The following SCD5 variants were observed in gnomAD, a reference collection of about 807,000 sequenced individuals.
SCD5 encodes acyl-CoA-desaturase 4.
SCD5 carries 20 observed loss-of-function variants against 30.4 expected under a neutral mutation model. The observed-to-expected ratio is 0.66, with a 90% CI of 0.46 to 0.96. The LOEUF (loss-of-function observed/expected upper bound fraction) is 0.96. SCD5 is among the 40% of genes least tolerant of loss of function. The pLI is 0.00. For synonymous variants in SCD5, 173 were observed against 176.4 expected (o/e 0.98, Z 0.16); for missense variants, 381 against 443.3 (o/e 0.86, Z 1.26).
chr4:82,762,551 C>A (rs1721399658), intron 1 of SCD5, among the ~76,000 whole-genome samples: 1 of 152,126 alleles, frequency 6.6e-6, no homozygotes, highest in African/African-American at 2.4e-5. Context: ...CCTCTAGGGG[C>A]TAAATTGATG....
At chr4:82,756,038 C>T (rs1176726497) in intron 1 of SCD5, among the ~76,000 whole-genome samples, 1 of 152,100 alleles carries the variant, frequency 6.6e-6, no homozygotes, top group Non-Finnish European at 1.5e-5. Context: ...GGTGTAGAGG[C>T]CCTGTGGCTC....
At chr4:82,641,397 T>G (rs978275423) in intron 3 of SCD5, among the ~76,000 whole-genome samples, 1 of 151,726 alleles carries the variant, frequency 6.6e-6, no homozygotes, top group African/African-American at 2.4e-5. Flanking sequence ...ATAAGCAAAT[T>G]GTAGAGCACA....
chr4:82,754,045 G>C (rs998110565), intron 1 of SCD5, among the ~76,000 whole-genome samples: 2 of 152,150 alleles, frequency 1.3e-5, no homozygotes, highest in African/African-American at 4.8e-5. Flanking sequence ...GTCAAGCACA[G>C]ACTCGCCCGA....
At chr4:82,754,040 G>C (rs1233151316) in intron 1 of SCD5, among the ~76,000 whole-genome samples, 1 of 152,136 alleles carries the variant, frequency 6.6e-6, no homozygotes, top group African/African-American at 2.4e-5. Flanking sequence ...CTCTTGTCAA[G>C]CACAGACTCG....
chr4:82,635,471 A>T (rs1400819910), intron 4 of SCD5, among the ~76,000 whole-genome samples: 1 of 151,926 alleles, frequency 6.6e-6, no homozygotes, highest in Non-Finnish European at 1.5e-5. Context: ...ATACAAAAAA[A>T]TTAGCCAGGC....
chr4:82,755,186 T>A (rs1047697232), intron 1 of SCD5, among the ~76,000 whole-genome samples: 1 of 151,610 alleles, frequency 6.6e-6, no homozygotes, highest in East Asian at 1.9e-4. Context: ...GGTAGGAGAA[T>A]GTCGAAAAAA....
At chr4:82,689,370 TAAAAA>T (rs1728781209) in intron 2 of SCD5, among the ~76,000 whole-genome samples, 2 of 151,944 alleles carry the variant, frequency 1.3e-5, no homozygotes, top group African/African-American at 4.8e-5. Context: ...GACACCACAC[TAAAAA>T]GAAAGAGTTT....
At chr4:82,714,741 G>C (rs979154165) in intron 1 of SCD5, among the ~76,000 whole-genome samples, 7 of 152,180 alleles carry the variant, frequency 4.6e-5, no homozygotes, top group Non-Finnish European at 7.3e-5. Context: ...ATGCTCAAAG[G>C]AAATGCTCAT....
At chr4:82,664,445 G>T (rs1010823569) in intron 3 of SCD5, among the ~76,000 whole-genome samples, 1 of 152,096 alleles carries the variant, frequency 6.6e-6, no homozygotes. Context: ...AAGTGCAAGG[G>T]GGGGGGAACA....
At chr4:82,766,079 T>G (rs1261805613) in intron 1 of SCD5, among the ~76,000 whole-genome samples, 1 of 152,242 alleles carries the variant, frequency 6.6e-6, no homozygotes, top group East Asian at 1.9e-4. Flanking sequence ...TTGGTGTGGT[T>G]TTCTTCATAT....
chr4:82,698,428 G>T (rs1217349329), intron 2 of SCD5, among the ~76,000 whole-genome samples: 1 of 152,172 alleles, frequency 6.6e-6, no homozygotes, highest in African/African-American at 2.4e-5. Flanking sequence ...AGCCTTGGGG[G>T]ATGGTCTATT....
intron 2 of SCD5, among the ~76,000 whole-genome samples, chr4:82,684,376 T>C (rs1480266198): frequency 6.6e-6 from 1 of 152,212 alleles, no homozygotes; most frequent in African/African-American, 2.4e-5. Context: ...GGGAACTTGG[T>C]AATAAATAAA....
intron 1 of SCD5, among the ~76,000 whole-genome samples, chr4:82,720,756 C>G (rs536420515): frequency 1.3e-5 from 2 of 152,150 alleles, no homozygotes; most frequent in African/African-American, 4.8e-5. Flanking sequence ...GGAAGCTGCA[C>G]AGCCCAAGGC....
chr4:82,746,007 A>G (rs983091055), intron 1 of SCD5, among the ~76,000 whole-genome samples: 2 of 152,256 alleles, frequency 1.3e-5, no homozygotes, highest in African/African-American at 2.4e-5. Flanking sequence ...TGTTCTAAAA[A>G]TTAAATGACT....
intron 1 of SCD5, among the ~76,000 whole-genome samples, chr4:82,714,186 C>T (rs776837121): frequency 6.6e-6 from 1 of 152,202 alleles, no homozygotes; most frequent in Non-Finnish European, 1.5e-5. Flanking sequence ...ATTTAAAAAC[C>T]TCTCTTGACC....
intron 1 of SCD5, among the ~76,000 whole-genome samples, chr4:82,736,631 T>C (rs761761911): frequency 6.6e-5 from 10 of 151,884 alleles, no homozygotes; most frequent in Non-Finnish European, 1.2e-4. Context: ...TCATTCTTAA[T>C]AGTAATATTA....
intron 4 of SCD5, among the ~76,000 whole-genome samples, chr4:82,634,207 T>A (rs921209997): frequency 6.6e-6 from 1 of 152,260 alleles, no homozygotes; most frequent in African/African-American, 2.4e-5. Context: ...AACGTTGCTA[T>A]GAACATTGAT....
intron 1 of SCD5, among the ~76,000 whole-genome samples, chr4:82,770,037 T>A (rs1376798030): frequency 6.6e-6 from 1 of 152,208 alleles, no homozygotes; most frequent in Non-Finnish European, 1.5e-5. Context: ...TTTATTTATT[T>A]TTTATTTTTT....
chr4:82,705,269 C>G lies in SCD5; in HGVS notation c.363+14G>C, dbSNP rs898055463. Reference sequence around the variant, plus strand: ...ACTGGGTCTCCCAACACAGAGAGGACCCTCCATCCTCACCTGGAAAGCCAT... The same window carrying G: ...ACTGGGTCTCCCAACACAGAGAGGAGCCTCCATCCTCACCTGGAAAGCCAT... On this transcript the variant is annotated intron_variant, in intron 2 of 4. Coordinates refer to ENST00000319540, the MANE Select transcript of SCD5 (RefSeq NM_001037582.3). 1 of 1,613,788 alleles carries G rather than the reference C, an allele frequency of 6.2e-7. No homozygotes were observed. Among genetic ancestry groups the G allele is most frequent in the African/African-American group, 1.3e-5 (1 of 74,940 alleles).
Sources: allele counts gnomAD v4.1 joint callset (sites outside exome capture counted in the v4.1 genomes callset), GRCh38; gene constraint gnomAD v4.1.1; transcripts MANE v1.5; gene names NCBI Gene and HGNC (gene_info 2026-07-23, HGNC 2026-07-21).